The following ETNK2 variants were observed in gnomAD, a reference collection of about 807,000 sequenced individuals.
ETNK2 encodes the protein ethanolamine kinase 2, also known as ethanolamine kinase-like protein.
Under a neutral mutation model 46.2 loss-of-function variants are expected in ETNK2, and 33 were observed. That is an observed-to-expected ratio of 0.71 (90% CI 0.54 to 0.96). ETNK2 has a LOEUF of 0.96. Among genes scored for constraint, ETNK2 ranks in the 40% least tolerant of loss-of-function variants. The pLI is 0.00. For synonymous variants in ETNK2, 194 were observed against 209.0 expected, an observed-to-expected ratio of 0.93 and a Z score of 0.62; for missense variants, 445 against 509.7, an observed-to-expected ratio of 0.87 and a Z score of 1.22.
At chr1:204,133,545 T>G (rs1657158162) in intron 7 of ETNK2, among the ~76,000 whole-genome samples, 1 of 151,620 alleles carries the variant, frequency 6.6e-6, no homozygotes, top group South Asian at 2.1e-4. Context: ...TTTTTTTTTT[T>G]TTTTGAGACG....
At chr1:204,134,231 C>T (rs1657192401) in intron 7 of ETNK2, among the ~76,000 whole-genome samples, 2 of 152,226 alleles carry the variant, frequency 1.3e-5, no homozygotes, top group South Asian at 2.1e-4. Context: ...TGGATAGGTG[C>T]GCTGGAAGCA....
In ETNK2 at chr1:204,141,377, G is replaced by T; in HGVS notation, c.722C>A (p.Ser241Tyr). The change falls in exon 4 of 8, where the codon TCC becomes TAC. Residue 241 changes from serine (S) to tyrosine (Y), a missense_variant. Coordinates refer to ENST00000367202, the MANE Select transcript of ETNK2 (RefSeq NM_018208.4). ...WLKEHLSQLE[S>Y]PVVFCHNDLL... ...GTCATTGTGACAAAACACCACAGGG[G>T]ACTCCAGCTGGGACAGATGCTCCTT... is the stretch of plus-strand genomic sequence containing the variant. The T allele has an allele frequency of 6.2e-7, 1 of 1,613,948 alleles. No homozygotes were observed. Among genetic ancestry groups the T allele is most frequent in the Non-Finnish European group, 8.5e-7 (1 of 1,179,876 alleles).
intron 3 of ETNK2, among the ~76,000 whole-genome samples, 185 bp downstream of exon 3, chr1:204,146,457 G>A (rs1657783864): frequency 6.6e-6 from 1 of 152,156 alleles, no homozygotes; most frequent in Middle Eastern, 3.2e-3. Context: ...TCCTTAGTCA[G>A]GAGGGCCAAC....
Position 204,134,547 on chromosome 1 carries a change from G to C in ETNK2, c.1056C>G (p.Asn352Lys). ...AATCAAAGTCGATGGTGGAGTACTG[G>C]TTCTGGATGAGGGCCCAGAGAGCCC... The part of the protein sequence containing the change: ...FFWALWALIQ[N>K]QYSTIDFDFL... The change falls in exon 7 of 8, where the codon AAC (asparagine) becomes AAG (lysine). Residue 352 changes from asparagine to lysine, a missense_variant. By Grantham distance (94) the Asn-to-Lys change is moderately conservative. Transcript: ENST00000367202. 1 of 1,614,020 alleles carries C rather than the reference G, an allele frequency of 6.2e-7. No individual in the cohort carries two copies. Among genetic ancestry groups the C allele is most frequent in the African/African-American group, 1.3e-5 (1 of 75,048 alleles).
chr1:204,134,909 C>G (rs1179454979), intron 6 of ETNK2, among the ~76,000 whole-genome samples: 1 of 152,174 alleles, frequency 6.6e-6, no homozygotes, highest in Non-Finnish European at 1.5e-5. Context: ...CACTCCACCT[C>G]TGGTTTCTTC....
Position 204,149,834 on chromosome 1 carries a change from T to C in ETNK2, c.387A>G (p.Arg129=), listed in dbSNP as rs773965589. 10 of 1,606,324 alleles carry C rather than the reference T, an allele frequency of 6.2e-6. 1 individual carries two copies. The Admixed American group carries it at 1.5e-4, about 24-fold the overall frequency. ...TGTGTGCTCGCAGCAGCTGGAAGTT[T>C]CTGACCTCATTCTCCCGGTCCACCA... ...ELLVDRENEV[R]NFQLLRAHSC... is the part of the protein sequence containing the mutation. The change falls in exon 2 of 8, where the codon AGA becomes AGG. Residue 129 remains arginine, a synonymous_variant. Coordinates refer to ENST00000367202, the MANE Select transcript of ETNK2 (RefSeq NM_018208.4).
At chr1:204,138,383 T>C (rs1486612298) in intron 5 of ETNK2, among the ~76,000 whole-genome samples, 3 of 152,192 alleles carry the variant, frequency 2.0e-5, no homozygotes, top group African/African-American at 4.8e-5. Context: ...GAAATTCCAG[T>C]TGGATTTTGC....
chr1:204,146,638 G>A lies in ETNK2; in HGVS notation c.641+4C>T. 6.2e-7 allele frequency: 1 copy of A among 1,613,970 alleles called. No homozygotes were observed. The highest frequency in any genetic ancestry group is 1.7e-4 in the Middle Eastern group (1 of 6,060). Reference sequence around the variant, plus strand: ...CAGCCTTGGACCCTCCCAGATCTTTGTACCTGGGGTTGATCTCGTTCTTCA... The same window carrying A: ...CAGCCTTGGACCCTCCCAGATCTTTATACCTGGGGTTGATCTCGTTCTTCA... On this transcript the variant is annotated splice_donor_region_variant and intron_variant, in intron 3 of 7. Transcript: ENST00000367202.
chr1:204,133,562 C>T lies in ETNK2; in HGVS notation c.1088+953G>A, dbSNP rs933263491. Among the ~76,000 whole-genome samples the T allele has an allele frequency of 4.8e-5, 7 of 146,732 alleles. 1 individual carries two copies. The highest frequency in any genetic ancestry group is 1.4e-4 in the Admixed American group (2 of 14,592). The stretch of plus-strand genomic sequence containing the variant: ...TTTTTTTTTTTTTGAGACGGAGTCT[C>T]GCTCTGTCGCCCAGGCTGGAGTGCA... On this transcript the variant is annotated intron_variant, in intron 7 of 7. Coordinates refer to ENST00000367202, the MANE Select transcript of ETNK2 (RefSeq NM_018208.4).
chr1:204,151,699 C>G lies in ETNK2; in HGVS notation c.154G>C (p.Ala52Pro). ...PPGPPRAAAV[A>P]YFGISVDPDD... Reference sequence around the variant, plus strand: ...GGGTCCACGGAAATGCCGAAGTACGCGACGGCGGCGGCCCTCGGGGGGCCC... The same window carrying G: ...GGGTCCACGGAAATGCCGAAGTACGGGACGGCGGCGGCCCTCGGGGGGCCC... The change falls in exon 1 of 8, where the codon GCG becomes CCG. Residue 52 changes from alanine to proline, a missense_variant. Physicochemically the swap from Ala to Pro is conservative, Grantham distance 27. Transcript: ENST00000367202. This position sits in a 1 kb window ranked among gnomAD's most constrained non-coding sequence, Gnocchi z 8.0. 6.5e-7 allele frequency: 1 copy of G among 1,545,356 alleles called. No homozygotes were observed. Among genetic ancestry groups the G allele is most frequent in the Non-Finnish European group, 8.7e-7 (1 of 1,144,812 alleles).
chr1:204,146,983 C>G (rs1007371732), intron 2 of ETNK2: 2 of 678,798 alleles, frequency 2.9e-6, no homozygotes, highest in Non-Finnish European at 5.5e-6. Flanking sequence ...TGGCTGCTCC[C>G]TTTCCAGTGC....
At position 204,146,736 on chromosome 1, in the gene ETNK2, G is replaced by C. The variant is rs1220553234; in HGVS notation, c.547C>G (p.His183Asp). The change falls in exon 3 of 8, where the codon CAT (histidine) becomes GAT (aspartate). Residue 183 changes from histidine to aspartate, a missense_variant. Coordinates refer to ENST00000367202, the MANE Select transcript of ETNK2 (RefSeq NM_018208.4). The stretch of plus-strand genomic sequence containing the variant: ...AGGCTGCCGTTGGCGTGGATAGTAT[G>C]AATCTTTGCCATTTCTAAGGCGATT... Reference protein sequence around the residue: ...RLIALEMAKIHTIHANGSLPK... With the variant: ...RLIALEMAKIDTIHANGSLPK... 6.2e-7 allele frequency: 1 copy of C among 1,614,024 alleles called. No individual in the cohort carries two copies.
At chr1:204,145,096 T>C (rs145893389) in intron 3 of ETNK2, among the ~76,000 whole-genome samples, 8 of 152,202 alleles carry the variant, frequency 5.3e-5, no homozygotes, top group Non-Finnish European at 1.0e-4. Flanking sequence ...GGTGCTTATC[T>C]CGTCTAAATG....
intron 2 of ETNK2, among the ~76,000 whole-genome samples, chr1:204,148,220 C>T (rs1377002822): frequency 1.3e-5 from 2 of 151,648 alleles, no homozygotes; most frequent in Non-Finnish European, 2.9e-5. Context: ...CTACCTCCTA[C>T]ACCTATCCCA....
chr1:204,135,255 C>G (rs1425025740), intron 6 of ETNK2, among the ~76,000 whole-genome samples: 2 of 152,082 alleles, frequency 1.3e-5, no homozygotes, highest in African/African-American at 2.4e-5. Context: ...AGGCCCAGGT[C>G]ACCTCAGGCT....
chr1:204,133,933 G>A (rs1210800291), intron 7 of ETNK2, among the ~76,000 whole-genome samples: 1 of 152,238 alleles, frequency 6.6e-6, no homozygotes, highest in Non-Finnish European at 1.5e-5. Context: ...AGAAGGGCAA[G>A]GCCCTGGACC....
chr1:204,145,670 C>T (rs1490466486), intron 3 of ETNK2, among the ~76,000 whole-genome samples: 2 of 152,314 alleles, frequency 1.3e-5, no homozygotes, highest in East Asian at 3.9e-4. Context: ...CAGAGACATA[C>T]TCAAAATGGG....
At chr1:204,140,847 G>A (rs1657489970) in intron 4 of ETNK2, among the ~76,000 whole-genome samples, 1 of 140,446 alleles carries the variant, frequency 7.1e-6, no homozygotes, top group South Asian at 2.3e-4. Context: ...TTTTTAAATA[G>A]GGTCTTGCTC....
rs544767314 is a variant in ETNK2 at position 204,144,071 on chromosome 1, G to A, written c.641+2571C>T. 5.3e-5 allele frequency among the ~76,000 whole-genome samples: 8 copies of A among 152,156 alleles called. 1 individual carries two copies. In the East Asian group the frequency reaches 9.7e-4, roughly 18 times the overall value. On this transcript the variant is annotated intron_variant, in intron 3 of 7. Transcript: ENST00000367202. ...TCAAAATGTAGCTTCCTGGCCGGGCGCAGTGGCTTACACCTGTAATCCCAG... is the reference window on the plus strand; with the variant it reads ...TCAAAATGTAGCTTCCTGGCCGGGCACAGTGGCTTACACCTGTAATCCCAG...
Sources: gnomAD v4.1 joint callset for allele counts (sites outside exome capture counted in the v4.1 genomes callset) on GRCh38, gnomAD v4.1.1 for gene constraint, Gnocchi (gnomAD v3.1) non-coding constraint, MANE v1.5 for transcripts, NCBI Gene and HGNC (gene_info 2026-07-23, HGNC 2026-07-21) for gene names.